Variants in PRUNE2 observed in about 807,000 individuals in gnomAD.
PRUNE2 encodes protein prune homolog 2.
PRUNE2 carries 164 observed loss-of-function variants against 252.0 expected under a neutral mutation model. The ratio of observed to expected loss-of-function variants is 0.65; its 90% CI spans 0.57 to 0.74. The LOEUF (loss-of-function observed/expected upper bound fraction) is 0.74. Ranked by LOEUF, PRUNE2 falls within the 30% of genes least tolerant of loss-of-function variation. The pLI, the probability that PRUNE2 is intolerant of heterozygous loss-of-function variation, is 0.00. For synonymous variants in PRUNE2, 1,292 were observed against 1,350.2 expected (o/e 0.96, Z 0.94); for missense variants, 3,495 against 3,711.0 (o/e 0.94, Z 1.51).
At chr9:76,843,031 A>G (rs113588564) in intron 4 of PRUNE2, among the ~76,000 whole-genome samples, 13,229 of 152,178 alleles carry the variant, frequency 0.087, 713 homozygotes, top group East Asian at 0.15. Context: ...GCACACATAC[A>G]CTTATTGCCG....
intron 6 of PRUNE2, among the ~76,000 whole-genome samples, chr9:76,724,624 G>A (rs532139477): frequency 1.1e-4 from 16 of 152,102 alleles, no homozygotes; most frequent in Admixed American, 3.3e-4. Context: ...CAGAGAGTTG[G>A]GCCTGGAATA....
In PRUNE2 at chr9:76,762,305, A is replaced by G. The variant is rs527966070; in HGVS notation, c.757-48584T>C. ...GACAATACTCTCTGTTATTTCATCA[A>G]AAAGTGTGTTAACATAGGAAGCAGT... On this transcript the variant is annotated intron_variant, in intron 6 of 18. Coordinates refer to ENST00000376718, the MANE Select transcript of PRUNE2 (RefSeq NM_015225.3). Among the ~76,000 whole-genome samples, 17 of 152,334 alleles carry G rather than the reference A, an allele frequency of 1.1e-4. 1 individual carries two copies. The South Asian group carries it at 3.3e-3, about 30-fold the overall frequency.
chr9:76,824,456 A>C (rs1286492674), intron 5 of PRUNE2, among the ~76,000 whole-genome samples: 2 of 152,216 alleles, frequency 1.3e-5, no homozygotes, highest in African/African-American at 4.8e-5. Context: ...AGACTATCTT[A>C]ATTAAGTTGC....
intron 9 of PRUNE2, among the ~76,000 whole-genome samples, chr9:76,699,593 C>G (rs143191183): frequency 2.0e-5 from 3 of 152,172 alleles, no homozygotes; most frequent in African/African-American, 7.2e-5. Context: ...CTCACATTCA[C>G]GACTGCAATG....
chr9:76,713,515 A>C, intron 7 of PRUNE2, 48 bp downstream of exon 7: 1 of 1,518,954 alleles, frequency 6.6e-7, no homozygotes, highest in Non-Finnish European at 8.9e-7. Context: ...TCTGAGAGCC[A>C]GCAGGTTAGG....
In PRUNE2 at chr9:76,706,371, T is replaced by C; in HGVS notation, c.5903A>G (p.Asp1968Gly). The C allele has an allele frequency of 6.2e-7, 1 of 1,614,046 alleles. No homozygotes were observed. The highest frequency in any genetic ancestry group is 8.5e-7 in the Non-Finnish European group (1 of 1,179,892). ...QCQDTMLPVC[D>G]HPDTAFTHAE... is the part of the protein sequence containing the mutation. Reference sequence around the variant, plus strand: ...GTGAGTAAAGGCTGTGTCCGGATGATCACAGACTGGCAGCATGGTGTCCTG... The same window carrying C: ...GTGAGTAAAGGCTGTGTCCGGATGACCACAGACTGGCAGCATGGTGTCCTG... The change falls in exon 8 of 19, where the codon GAT becomes GGT. Residue 1968 changes from aspartate to glycine, a missense_variant. Asp to Gly is a moderately conservative substitution (Grantham distance 94). Transcript: ENST00000376718.
chr9:76,708,069 T>C lies in PRUNE2; in HGVS notation c.4205A>G (p.Glu1402Gly), dbSNP rs1324609685. 1.9e-6 allele frequency: 3 copies of C among 1,613,850 alleles called. No homozygotes were observed. Among genetic ancestry groups the C allele is most frequent in the Non-Finnish European group, 2.5e-6 (3 of 1,179,894 alleles). Reference sequence around the variant, plus strand: ...TAGATTGTAAGACCCCTCCTCATACTCTAAAACTTCCTCTGGTTCCTCGGT... The same window carrying C: ...TAGATTGTAAGACCCCTCCTCATACCCTAAAACTTCCTCTGGTTCCTCGGT... ...PQTEEPEEVLEYEEGSYNLDS... is the reference protein window; with the variant it reads ...PQTEEPEEVLGYEEGSYNLDS... The change falls in exon 8 of 19, where the codon GAG becomes GGG. Residue 1402 changes from glutamate to glycine, a missense_variant. Physicochemically the swap from Glu to Gly is moderately conservative, Grantham distance 98. Coordinates refer to ENST00000376718, the MANE Select transcript of PRUNE2 (RefSeq NM_015225.3).
chr9:76,855,502 C>A (rs1718878252), intron 1 of PRUNE2, among the ~76,000 whole-genome samples: 1 of 151,832 alleles, frequency 6.6e-6, no homozygotes, highest in Non-Finnish European at 1.5e-5. Flanking sequence ...ACATATTTTA[C>A]AAATGAATCT....
intron 7 of PRUNE2, 33 bp from the exon 8 acceptor site, chr9:76,711,391 T>G: frequency 8.7e-6 from 13 of 1,488,000 alleles, no homozygotes; most frequent in Non-Finnish European, 1.2e-5. Flanking sequence ...GTGTCAGCAC[T>G]CAAGCACTGT....
intron 2 of PRUNE2, among the ~76,000 whole-genome samples, chr9:76,853,300 G>C (rs2132615192): frequency 6.6e-6 from 1 of 152,026 alleles, no homozygotes; most frequent in East Asian, 1.9e-4. Flanking sequence ...CTACTGTCAG[G>C]GGCCAAGGAT....
Position 76,850,743 on chromosome 9 carries a change from G to A in PRUNE2, c.142-78C>T, listed in dbSNP as rs556309010. ...CAATTACATTTTCTCCAGCCTGGGG[G>A]TAACTGGTAAAAGGAATAGGAGTCT... is the stretch of plus-strand genomic sequence containing the variant. On this transcript the variant is annotated intron_variant, in intron 2 of 18. Coordinates refer to ENST00000376718, the MANE Select transcript of PRUNE2 (RefSeq NM_015225.3). The A allele has an allele frequency of 7.5e-4, 832 of 1,106,222 alleles. 1 individual carries two copies. Among genetic ancestry groups the A allele is most frequent in the Middle Eastern group, 1.0e-3 (5 of 4,936 alleles). 68.5% of individuals were successfully genotyped at this position (1,106,222 alleles called of 1,614,324 possible). A position where few individuals can be genotyped will look rare whatever the true frequency, so the allele number is the denominator to read the frequency against.
intron 1 of PRUNE2, among the ~76,000 whole-genome samples, chr9:76,881,914 C>A (rs1589750856): frequency 6.6e-6 from 1 of 152,276 alleles, no homozygotes; most frequent in East Asian, 1.9e-4. Context: ...AGCCACCGCA[C>A]CTGGCCCTTT....
chr9:76,805,726 G>A (rs922750340), intron 6 of PRUNE2, among the ~76,000 whole-genome samples: 2 of 152,184 alleles, frequency 1.3e-5, no homozygotes, highest in Admixed American at 6.5e-5. Flanking sequence ...ATTTGTCCAG[G>A]CAGTTCCAGA....
chr9:76,758,078 T>C (rs1331520743), intron 6 of PRUNE2, among the ~76,000 whole-genome samples: 1 of 152,194 alleles, frequency 6.6e-6, no homozygotes, highest in East Asian at 1.9e-4. Flanking sequence ...ATCAGGAGAC[T>C]ATAACAAAAT....
chr9:76,792,754 A>G (rs990607785), intron 6 of PRUNE2, among the ~76,000 whole-genome samples: 13 of 152,134 alleles, frequency 8.5e-5, no homozygotes, highest in Non-Finnish European at 1.3e-4. Context: ...TAATTTGTAA[A>G]GATTCTTCAT....
intron 6 of PRUNE2, chr9:76,809,020 C>G (rs903176561): frequency 2.0e-5 from 3 of 152,284 alleles, no homozygotes; most frequent in Non-Finnish European, 4.4e-5. Context: ...ATATTCTTCT[C>G]TGTGCCTGGA....
chr9:76,644,886 C>G lies in PRUNE2; in HGVS notation c.8581G>C (p.Gly2861Arg). 1 of 1,613,696 alleles carries G rather than the reference C, an allele frequency of 6.2e-7. No homozygotes were observed. The highest frequency in any genetic ancestry group is 8.5e-7 in the Non-Finnish European group (1 of 1,179,768). ...TCTGGAATAGACTCTGACTCTTGGCCAGAATCTTTGTTGGCTGTGGGATCT... is the reference window on the plus strand; with the variant it reads ...TCTGGAATAGACTCTGACTCTTGGCGAGAATCTTTGTTGGCTGTGGGATCT... ...GHDPTANKDS[G>R]QESESIPEYT... Residue 2861 changes from glycine to arginine, a missense_variant, in exon 12 of 19, where the codon GGC becomes CGC. By Grantham distance (125) the Gly-to-Arg change is moderately radical (BLOSUM62 -2). Transcript: ENST00000376718.
At chr9:76,778,153 AGACTT>A in intron 6 of PRUNE2, among the ~76,000 whole-genome samples, 1 of 152,348 alleles carries the variant, frequency 6.6e-6, no homozygotes, top group East Asian at 1.9e-4. Context: ...CTCTGGAGGT[AGACTT>A]GAGAATCTGA....
At chr9:76,860,476 G>A (rs1013235247) in intron 1 of PRUNE2, among the ~76,000 whole-genome samples, 1 of 152,130 alleles carries the variant, frequency 6.6e-6, no homozygotes, top group African/African-American at 2.4e-5. Context: ...GTTCAGCCTG[G>A]TAGAAGCAAG....
Sources: allele counts gnomAD v4.1 joint callset (sites outside exome capture counted in the v4.1 genomes callset), GRCh38; gene constraint gnomAD v4.1.1; transcripts MANE v1.5; gene names NCBI Gene and HGNC (gene_info 2026-07-23, HGNC 2026-07-21).